SLC2A9: variants seen among roughly 807,000 people sequenced by gnomAD.
SLC2A9 encodes the protein solute carrier family 2 member 9.
SLC2A9 carries 39 observed loss-of-function variants against 50.6 expected under a neutral mutation model. The ratio of observed to expected loss-of-function variants is 0.77; its 90% CI spans 0.60 to 1.01. The LOEUF (loss-of-function observed/expected upper bound fraction) is 1.01, where lower values mean the gene tolerates loss of function less well. Among genes scored for constraint, SLC2A9 ranks in the 50% least tolerant of loss-of-function variants. SLC2A9 has a pLI of 0.00. For synonymous variants in SLC2A9, 324 were observed against 276.9 expected (o/e 1.17, Z -1.69); for missense variants, 686 against 677.6 (o/e 1.01, Z -0.14).
chr4:9,939,064 G>A (rs1481157524), intron 6 of SLC2A9, among the ~76,000 whole-genome samples: 1 of 152,170 alleles, frequency 6.6e-6, no homozygotes, highest in African/African-American at 2.4e-5. Flanking sequence ...TTAGCTATGT[G>A]ACTTACTTTG....
intron 3 of SLC2A9, chr4:9,783,991 T>C (rs560656317): frequency 1.2e-5 from 2 of 168,584 alleles, no homozygotes; most frequent in African/African-American, 4.8e-5. Context: ...TGGTGTCTAA[T>C]AAACACAGAT....
At chr4:9,809,509 G>A (rs2280333) in intron 3 of SLC2A9, among the ~76,000 whole-genome samples, 68,168 of 152,024 alleles carry the variant, frequency 0.45, 19,183 homozygotes, top group Non-Finnish European at 0.64. Context: ...AGAATGGCCC[G>A]GGCACAAGAG....
intron 10 of SLC2A9, among the ~76,000 whole-genome samples, chr4:9,875,812 A>T (rs1310542838): frequency 1.3e-5 from 2 of 152,104 alleles, no homozygotes; most frequent in African/African-American, 4.8e-5. Context: ...GACATTTCTT[A>T]TTCCTCTTTG....
In SLC2A9 at chr4:9,889,444, C is replaced by T. The variant is rs751933035; in HGVS notation, c.1215+1166G>A. On this transcript the variant is annotated intron_variant, in intron 9 of 11. Coordinates refer to ENST00000264784, the MANE Select transcript of SLC2A9 (RefSeq NM_020041.3). ...TCAGAAAGACAATGGCCTGGAACAT[C>T]GCCTAACTGGCTTCCTGAGAACTTT... Among the ~76,000 whole-genome samples, 15 of 152,302 alleles carry T rather than the reference C, an allele frequency of 9.8e-5. No homozygotes were observed. The South Asian group carries it at 1.0e-3, about 11-fold the overall frequency.
chr4:9,867,926 C>A (rs954833798), intron 10 of SLC2A9, among the ~76,000 whole-genome samples: 2 of 152,216 alleles, frequency 1.3e-5, no homozygotes, highest in South Asian at 2.1e-4. Context: ...GTGCCCCCCC[C>A]ACCCGAGGCC....
At chr4:9,815,580 G>A (rs1723463525) in intron 3 of SLC2A9, among the ~76,000 whole-genome samples, 1 of 152,192 alleles carries the variant, frequency 6.6e-6, no homozygotes. Flanking sequence ...ATGGATTAAG[G>A]AGGGTGGCCG....
chr4:9,804,835 C>A (rs1264091644), intron 3 of SLC2A9, among the ~76,000 whole-genome samples: 1 of 152,288 alleles, frequency 6.6e-6, no homozygotes, highest in Non-Finnish European at 1.5e-5. Flanking sequence ...CTCATGACAG[C>A]AGAACCCAGG....
At chr4:9,968,503 C>A (rs896092487) in intron 5 of SLC2A9, among the ~76,000 whole-genome samples, 1 of 152,158 alleles carries the variant, frequency 6.6e-6, no homozygotes, top group Non-Finnish European at 1.5e-5. Context: ...AGCAATGTTT[C>A]TTTTTTTCCA....
At chr4:9,808,816 T>G (rs1722470308) in intron 3 of SLC2A9, among the ~76,000 whole-genome samples, 1 of 152,202 alleles carries the variant, frequency 6.6e-6, no homozygotes, top group African/African-American at 2.4e-5. Context: ...CTCTGTCCTA[T>G]GTGGACTTGG....
chr4:9,954,600 G>C (rs962875969), intron 5 of SLC2A9, among the ~76,000 whole-genome samples: 2 of 152,162 alleles, frequency 1.3e-5, no homozygotes, highest in African/African-American at 2.4e-5. Flanking sequence ...GTGTGGTAGC[G>C]GCCCTGGGTG....
intron 3 of SLC2A9, chr4:9,781,635 G>A (rs550305570): frequency 9.2e-5 from 16 of 173,212 alleles, no homozygotes; most frequent in African/African-American, 3.8e-4. Flanking sequence ...CAGCGCCTCA[G>A]TGCCAGCCTG....
chr4:9,833,181 C>A (rs916107093), intron 11 of SLC2A9, among the ~76,000 whole-genome samples: 2 of 152,186 alleles, frequency 1.3e-5, no homozygotes, highest in African/African-American at 4.8e-5. Flanking sequence ...TATGTTCTGA[C>A]TGCAGCCACG....
intron 6 of SLC2A9, among the ~76,000 whole-genome samples, chr4:9,932,487 A>T (rs6449139): frequency 6.6e-6 from 1 of 152,024 alleles, no homozygotes; most frequent in Admixed American, 6.5e-5. Flanking sequence ...GGTCATAATG[A>T]GTGCTAAAAA....
At chr4:9,924,815 C>T (rs567389960) in intron 6 of SLC2A9, among the ~76,000 whole-genome samples, 4 of 152,274 alleles carry the variant, frequency 2.6e-5, no homozygotes, top group Admixed American at 6.5e-5. Context: ...CACTGCCTTC[C>T]GTGTCTGATT....
At chr4:9,825,480 T>C (rs1262455147), downstream of SLC2A9, among the ~76,000 whole-genome samples, 1 of 152,134 alleles carries the variant, frequency 6.6e-6, no homozygotes, top group Admixed American at 6.5e-5. Flanking sequence ...GAGGTACATG[T>C]GCTGACACTC....
upstream of SLC2A9, among the ~76,000 whole-genome samples, chr4:10,024,801 T>G (rs1350235837): frequency 6.6e-6 from 1 of 152,234 alleles, no homozygotes; most frequent in African/African-American, 2.4e-5. Flanking sequence ...GTGGAAGTTT[T>G]CTAGCAGGGA....
intron 5 of SLC2A9, among the ~76,000 whole-genome samples, chr4:9,954,182 C>T (rs914690169): frequency 6.6e-6 from 1 of 152,270 alleles, no homozygotes; most frequent in Non-Finnish European, 1.5e-5. Context: ...AAGAGATCCA[C>T]TTGCCTTGGC....
intron 3 of SLC2A9, among the ~76,000 whole-genome samples, chr4:9,816,580 A>G (rs1172503896): frequency 6.6e-6 from 1 of 152,182 alleles, no homozygotes; most frequent in Non-Finnish European, 1.5e-5. Flanking sequence ...TGAGGTGATG[A>G]TATGTTAATT....
chr4:9,821,034 G>C (rs1325282856), intron 3 of SLC2A9, among the ~76,000 whole-genome samples: 2 of 152,062 alleles, frequency 1.3e-5, no homozygotes, highest in East Asian at 3.9e-4. Flanking sequence ...ATTTAGTTTT[G>C]CGCCACTAAA....
Sources: allele counts gnomAD v4.1 joint callset (sites outside exome capture counted in the v4.1 genomes callset), GRCh38; gene constraint gnomAD v4.1.1; transcripts MANE v1.5; gene names NCBI Gene and HGNC (gene_info 2026-07-23, HGNC 2026-07-21).